SLC27A5: variants seen among roughly 807,000 people sequenced by gnomAD.
The protein encoded by SLC27A5 is solute carrier family 27 member 5.
A neutral mutation model predicts 63.1 loss-of-function variants in SLC27A5; 47 were observed. The ratio of observed to expected loss-of-function variants is 0.74; its 90% CI spans 0.59 to 0.95. The LOEUF (loss-of-function observed/expected upper bound fraction) is 0.95, where lower values mean the gene tolerates loss of function less well. Ranked by LOEUF, SLC27A5 falls within the 40% of genes least tolerant of loss-of-function variation. SLC27A5 has a pLI of 0.00. For missense variants in SLC27A5, 940 were observed against 921.0 expected, an observed-to-expected ratio of 1.02 and a Z score of -0.27; for synonymous variants, 391 against 403.8, an observed-to-expected ratio of 0.97 and a Z score of 0.38.
At chr19:58,504,446 T>C (rs965623986) in intron 3 of SLC27A5, among the ~76,000 whole-genome samples, 2 of 149,372 alleles carry the variant, frequency 1.3e-5, no homozygotes, top group Non-Finnish European at 3.0e-5. Context: ...GTCAGGAGTT[T>C]GAGACCAGCC....
chr19:58,499,214 CTTCCATCT>C lies in SLC27A5; in HGVS notation c.1668-2_1673del. ...CCTCGTGCGTGGACACGTTCTCGCC[CTTCCATCT>C]GCAAGGAGGGAGCCGGCGCTTGTGA... On this transcript the variant is annotated splice_acceptor_variant and coding_sequence_variant, in exon 8 of 10. Transcript: ENST00000263093. LOFTEE classifies it high-confidence loss of function. 6.2e-7 allele frequency: 1 copy of C among 1,613,730 alleles called. No homozygotes were observed. Among genetic ancestry groups the C allele is most frequent in the South Asian group, 1.1e-5 (1 of 91,074 alleles).
At chr19:58,502,577 T>G (rs1259783969) in intron 3 of SLC27A5, among the ~76,000 whole-genome samples, 5 of 70,248 alleles carry the variant, frequency 7.1e-5, no homozygotes, top group South Asian at 5.4e-4. Context: ...ACAGTTAGAG[T>G]AGTGAGTGAG....
In SLC27A5 at chr19:58,510,852, G is replaced by A. The variant is rs777915232; in HGVS notation, c.767C>T (p.Ser256Phe). The A allele has an allele frequency of 6.2e-7, 1 of 1,613,294 alleles. No individual in the cohort carries two copies. Among genetic ancestry groups the A allele is most frequent in the South Asian group, 1.1e-5 (1 of 90,866 alleles). ...NIRCFYLSHT[S>F]PTPGVGALGA... The stretch of plus-strand genomic sequence containing the variant: ...CAGAGCCCCCACCCCTGGTGTAGGG[G>A]AGGTATGGCTGAGGTAGAAGCAGCG... The change falls in exon 2 of 10, where the codon TCC (serine) becomes TTC (phenylalanine). Residue 256 changes from serine to phenylalanine, a missense_variant. Physicochemically the swap from Ser to Phe is radical, Grantham distance 155. Transcript: ENST00000263093.
At position 58,499,013 on chromosome 19, in the gene SLC27A5, G is replaced by A. The variant is rs912152408; in HGVS notation, c.1766-98C>T. 6.9e-6 allele frequency: 11 copies of A among 1,589,954 alleles called. No homozygotes were observed. In the African/African-American group the frequency reaches 1.5e-4, roughly 21 times the overall value. ...CTCTGCTCACTGGCTGTGAGAGCCA[G>A]CAAGTCTCTAAACCTCTCTGGGCCC... is the stretch of plus-strand genomic sequence containing the variant. On this transcript the variant is annotated intron_variant, in intron 8 of 9. Transcript: ENST00000263093.
In SLC27A5 at chr19:58,499,515, G is replaced by A; in HGVS notation, c.1644C>T (p.Arg548=). ...ACCGGAAGGTGTCCCCGAGGCGGTC[G>A]CGGAAGTAGAGGAAGCCTTCGCGGT... The part of the protein sequence containing the change: ...AMDREGFLYF[R]DRLGDTFRWK... The change falls in exon 7 of 10, where the codon CGC becomes CGT. Residue 548 remains arginine, a synonymous_variant. Coordinates refer to ENST00000263093, the MANE Select transcript of SLC27A5 (RefSeq NM_012254.3). 6.2e-7 allele frequency: 1 copy of A among 1,613,052 alleles called. No individual in the cohort carries two copies. The highest frequency in any genetic ancestry group is 1.3e-5 in the African/African-American group (1 of 75,034).
At position 58,511,006 on chromosome 19, in the gene SLC27A5, G is replaced by A. The variant is rs1041267553; in HGVS notation, c.689-76C>T. 3.0e-5 allele frequency: 37 copies of A among 1,222,774 alleles called. No individual in the cohort carries two copies. The African/African-American group carries it at 4.8e-4, about 16-fold the overall frequency. The allele number at this position is 1,222,774 out of a possible 1,614,324, so 75.7% of individuals were successfully genotyped here. A position where few individuals can be genotyped will look rare whatever the true frequency, so the allele number is the denominator to read the frequency against. On this transcript the variant is annotated intron_variant, in intron 1 of 9. Coordinates refer to ENST00000263093, the MANE Select transcript of SLC27A5 (RefSeq NM_012254.3). ...TGCGAGGCGGGATCTGAGACCCACA[G>A]ATGCAGGCAGAGGAGCAGCTAGTAG...
Position 58,511,964 on chromosome 19 carries a change from C to A in SLC27A5, c.-9G>T. Reference sequence around the variant, plus strand: ...TGTTGCCTGACACCCATGGTACCAGCTCCTCCCTAGGAGCAGCAGCTGTGG... The same window carrying A: ...TGTTGCCTGACACCCATGGTACCAGATCCTCCCTAGGAGCAGCAGCTGTGG... On this transcript the variant is annotated 5_prime_UTR_variant, in exon 1 of 10. Coordinates refer to ENST00000263093, the MANE Select transcript of SLC27A5 (RefSeq NM_012254.3). 6.5e-7 allele frequency: 1 copy of A among 1,529,018 alleles called. No homozygotes were observed. The highest frequency in any genetic ancestry group is 8.8e-7 in the Non-Finnish European group (1 of 1,139,684). The allele number at this position is 1,529,018 out of a possible 1,614,324, so 94.7% of individuals were successfully genotyped here.
Position 58,501,404 on chromosome 19 carries a change from G to A in SLC27A5, c.1064C>T (p.Thr355Ile), listed in dbSNP as rs1600029962. Residue 355 changes from threonine to isoleucine, a missense_variant, in exon 4 of 10, where the codon ACC becomes ATC. Coordinates refer to ENST00000263093, the MANE Select transcript of SLC27A5 (RefSeq NM_012254.3). ...GILGCLDLGA[T>I]CVLAPKFSTS... The stretch of plus-strand genomic sequence containing the variant: ...AGAGAACTTGGGGGCCAGAACACAG[G>A]TGGCTCCTGGGAGATGACAGGAGAG... The A allele has an allele frequency of 5.0e-6, 8 of 1,613,244 alleles. No homozygotes were observed. The highest frequency in any genetic ancestry group is 6.8e-6 in the Non-Finnish European group (8 of 1,179,556).
chr19:58,510,841 CT>C lies in SLC27A5; in HGVS notation c.777del (p.Val261TrpfsTer55), dbSNP rs752680997. 2.4e-4 allele frequency: 385 copies of C among 1,613,228 alleles called. No individual in the cohort carries two copies. Among genetic ancestry groups the C allele is most frequent in the Non-Finnish European group, 2.9e-4 (348 of 1,179,780 alleles). ...AGGGCAGCCCCCAGAGCCCCCACCCCTGGTGTAGGGGAGGTATGGCTGAGGT... is the reference window on the plus strand; with the variant it reads ...AGGGCAGCCCCCAGAGCCCCCACCCCGGTGTAGGGGAGGTATGGCTGAGGT... Reference protein sequence around the residue: ...CFYLSHTSPTPGVGALGAALD... With the variant: ...CFYLSHTSPTXGVGALGAALD... On this transcript the variant is annotated frameshift_variant, in exon 2 of 10. Transcript: ENST00000263093. LOFTEE classifies it high-confidence loss of function.
At position 58,498,803 on chromosome 19, in the gene SLC27A5, G is replaced by C; in HGVS notation, c.1878C>G (p.Pro626=). The C allele has an allele frequency of 6.2e-7, 1 of 1,613,988 alleles. No individual in the cohort carries two copies. The highest frequency in any genetic ancestry group is 8.5e-7 in the Non-Finnish European group (1 of 1,179,978). Residue 626 remains proline (P), a synonymous_variant, in exon 9 of 10, where the codon CCC becomes CCG. Transcript: ENST00000263093. The stretch of plus-strand genomic sequence containing the variant: ...GGCTCACCTGGATGCGGATGAAATG[G>C]GGGGTAGCGTAGGCAGGGAGCCAAG... ...VRAWLPAYAT[P]HFIRIQDAME... is the part of the protein sequence containing the mutation.
At chr19:58,506,308 G>A (rs1038883386) in intron 3 of SLC27A5, among the ~76,000 whole-genome samples, 1 of 152,132 alleles carries the variant, frequency 6.6e-6, no homozygotes, top group Admixed American at 6.5e-5. Flanking sequence ...GCCGAGGTAG[G>A]TGGATCACCT....
At chr19:58,499,769 T>C in intron 6 of SLC27A5, 79 bp from the exon 7 acceptor site, 1 of 1,377,928 alleles carries the variant, frequency 7.3e-7, no homozygotes, top group East Asian at 2.3e-5. Context: ...AACGGTGGAC[T>C]CTTCATCACC....
intron 3 of SLC27A5, among the ~76,000 whole-genome samples, chr19:58,505,825 G>T (rs992169315): frequency 1.5e-5 from 2 of 132,528 alleles, no homozygotes; most frequent in Non-Finnish European, 3.1e-5. Context: ...TCCATCCTGG[G>T]CAACAATAGT....
intron 3 of SLC27A5, among the ~76,000 whole-genome samples, chr19:58,506,266 G>C (rs1032798710): frequency 6.6e-6 from 1 of 150,950 alleles, no homozygotes; most frequent in African/African-American, 2.4e-5. Flanking sequence ...CAGGCGCGGT[G>C]GTTCACGCCT....
chr19:58,502,988 C>G (rs1026011814), intron 3 of SLC27A5, among the ~76,000 whole-genome samples: 1 of 151,988 alleles, frequency 6.6e-6, no homozygotes, highest in Non-Finnish European at 1.5e-5. Context: ...GGGCGGATCA[C>G]GAGGTCAGGA....
rs141720662 is a variant in SLC27A5, at chr19:58,500,835, A to C, written c.1183-129T>G. Reference sequence around the variant, plus strand: ...ACCTGGAAGGTGATGGGGGACCTCTACCTAAGGGATCTACCTGGGTTACTT... The same window carrying C: ...ACCTGGAAGGTGATGGGGGACCTCTCCCTAAGGGATCTACCTGGGTTACTT... On this transcript the variant is annotated intron_variant, in intron 4 of 9. Transcript: ENST00000263093. The C allele has an allele frequency of 1.1e-3, 1,621 of 1,465,186 alleles. 2 individuals are homozygous for C. The highest frequency in any genetic ancestry group is 1.3e-3 in the Non-Finnish European group (1,466 of 1,111,412). 90.8% of individuals were successfully genotyped at this position (1,465,186 alleles called of 1,614,324 possible).
chr19:58,499,589 G>C lies in SLC27A5; in HGVS notation c.1570C>G (p.Arg524Gly), dbSNP rs890986515. ...LSERKLVRNV[R>G]QSGDVYYNTG... ...TTGTAGTAAACGTCGCCCGATTGCCGCACGTTGCGCACCAGCTTCCGTTCC... is the reference window on the plus strand; with the variant it reads ...TTGTAGTAAACGTCGCCCGATTGCCCCACGTTGCGCACCAGCTTCCGTTCC... Residue 524 changes from arginine to glycine, a missense_variant, in exon 7 of 10, where the codon CGG becomes GGG. Arg to Gly is a moderately radical substitution (Grantham distance 125). Coordinates refer to ENST00000263093, the MANE Select transcript of SLC27A5 (RefSeq NM_012254.3). 4 of 1,612,924 alleles carry C rather than the reference G, an allele frequency of 2.5e-6. No individual in the cohort carries two copies. Among genetic ancestry groups the C allele is most frequent in the Admixed American group, 1.7e-5 (1 of 59,956 alleles).
At chr19:58,502,592 T>A (rs1014110839) in intron 3 of SLC27A5, among the ~76,000 whole-genome samples, 6 of 110,232 alleles carry the variant, frequency 5.4e-5, no homozygotes, top group Non-Finnish European at 1.1e-4. Context: ...AGTGAGTAGA[T>A]GGATGGGTGG....
chr19:58,501,214 CTT>C lies in SLC27A5; in HGVS notation c.1182+70_1182+71del, dbSNP rs1196444787. On this transcript the variant is annotated intron_variant, in intron 4 of 9. Coordinates refer to ENST00000263093, the MANE Select transcript of SLC27A5 (RefSeq NM_012254.3). ...AGGGACTTGAGTTCAGTACCTGAAT[CTT>C]TACCTGAGACCTTTACCTGGGATTT... The C allele has an allele frequency of 2.6e-6, 4 of 1,562,964 alleles. No individual in the cohort carries two copies. In the Middle Eastern group the frequency reaches 5.1e-4, roughly 200 times the overall value.
Sources: allele counts gnomAD v4.1 joint callset (sites outside exome capture counted in the v4.1 genomes callset), GRCh38; gene constraint gnomAD v4.1.1; transcripts MANE v1.5; gene names NCBI Gene and HGNC (gene_info 2026-07-23, HGNC 2026-07-21).